Variants in TRPA1 observed in about 807,000 individuals in gnomAD.
The protein encoded by TRPA1 is transient receptor potential cation channel subfamily A member 1.
TRPA1 carries 129 observed loss-of-function variants against 131.3 expected under a neutral mutation model. That is an observed-to-expected ratio of 0.98 (90% CI 0.85 to 1.14). The LOEUF (loss-of-function observed/expected upper bound fraction) is 1.14. Among genes scored for constraint, TRPA1 ranks in the 50% most tolerant of loss-of-function variants. The pLI, the probability that TRPA1 is intolerant of heterozygous loss-of-function variation, is 0.00. For synonymous variants in TRPA1, 441 were observed against 451.7 expected (o/e 0.98, Z 0.30); for missense variants, 1,304 against 1,354.2 (o/e 0.96, Z 0.58).
At chr8:72,043,122 A>G (rs1394097018) in intron 17 of TRPA1, among the ~76,000 whole-genome samples, 1 of 151,842 alleles carries the variant, frequency 6.6e-6, no homozygotes, top group Non-Finnish European at 1.5e-5. Context: ...ATACTGGAAC[A>G]TCGGGATAAG....
Position 72,055,593 on chromosome 8 carries a change from G to T in TRPA1, c.1372C>A (p.Arg458Ser). ...SPLHFAASYGRINTCQRLLQD... is the reference protein window; with the variant it reads ...SPLHFAASYGSINTCQRLLQD... ...AGGAGCCTCTGACAGGTATTGATAC[G>T]CCCATAACTTGGAAAAAATTAGGTT... The change falls in exon 12 of 27, where the codon CGT becomes AGT. Residue 458 changes from arginine to serine, a missense_variant. Arg to Ser is a moderately radical substitution (Grantham distance 110). Transcript: ENST00000262209. 1 of 1,612,948 alleles carries T rather than the reference G, an allele frequency of 6.2e-7. No homozygotes were observed. The highest frequency in any genetic ancestry group is 1.7e-5 in the Admixed American group (1 of 59,904).
chr8:72,077,299 G>T (rs960363139), upstream of TRPA1, among the ~76,000 whole-genome samples: 1 of 145,444 alleles, frequency 6.9e-6, no homozygotes, highest in East Asian at 2.0e-4. Context: ...GTGGGGGGGG[G>T]GGCAGCGTGG....
intron 8 of TRPA1, 69 bp from the exon 9 acceptor site, chr8:72,057,885 A>G: frequency 3.5e-6 from 4 of 1,128,376 alleles, no homozygotes; most frequent in Non-Finnish European, 5.3e-6. Context: ...TGTAATCTCT[A>G]ACTAATGGTA....
In TRPA1 at chr8:72,075,573, G is replaced by A; in HGVS notation, c.-164C>T. 1 of 653,502 alleles carries A rather than the reference G, an allele frequency of 1.5e-6. No homozygotes were observed. The highest frequency in any genetic ancestry group is 2.7e-6 in the Non-Finnish European group (1 of 367,228). 40.5% of individuals were successfully genotyped at this position (653,502 alleles called of 1,614,324 possible). ...AAAAAGTCGCTCTGCGGAAGCCCTG[G>A]AGAACTTCTGGAAGGAGTTCTCAGG... On this transcript the variant is annotated 5_prime_UTR_variant, in exon 1 of 27. Transcript: ENST00000262209.
At chr8:72,026,727 T>C (rs1371924442) in intron 24 of TRPA1, among the ~76,000 whole-genome samples, 1 of 152,226 alleles carries the variant, frequency 6.6e-6, no homozygotes, top group African/African-American at 2.4e-5. Flanking sequence ...TTTTCATTTA[T>C]TTTTGCCAAA....
chr8:72,026,162 A>G lies in TRPA1; in HGVS notation c.2938-89T>C, dbSNP rs574579541. 311 of 1,002,126 alleles carry G rather than the reference A, an allele frequency of 3.1e-4. 2 individuals are homozygous for G. The African/African-American group carries it at 4.6e-3, about 15-fold the overall frequency. The allele number at this position is 1,002,126 out of a possible 1,614,324, so 62.1% of individuals were successfully genotyped here. On this transcript the variant is annotated intron_variant, in intron 24 of 26. Coordinates refer to ENST00000262209, the MANE Select transcript of TRPA1 (RefSeq NM_007332.3). ...CAGAGGCAATCATTAATACAGCAAA[A>G]TGAAAACTGATTTCTATGTCCTGAC...
chr8:72,045,952 G>A (rs1307672790), intron 17 of TRPA1, among the ~76,000 whole-genome samples: 2 of 152,028 alleles, frequency 1.3e-5, no homozygotes, highest in Non-Finnish European at 2.9e-5. Context: ...TCATTCATCT[G>A]GAATCTAAGA....
At chr8:72,065,583 C>A in intron 3 of TRPA1, 25 bp from the exon 4 acceptor site, 1 of 1,598,558 alleles carries the variant, frequency 6.3e-7, no homozygotes. Flanking sequence ...GAATAATTGT[C>A]AAAATTTTTG....
intron 22 of TRPA1, 60 bp from the exon 23 acceptor site, chr8:72,033,886 C>T (rs950499612): frequency 6.7e-7 from 1 of 1,500,994 alleles, no homozygotes; most frequent in South Asian, 1.1e-5. Context: ...AAAAGTGTTT[C>T]CTGGAGGTAG....
intron 19 of TRPA1, among the ~76,000 whole-genome samples, chr8:72,038,477 C>G (rs565345498): frequency 5.9e-5 from 9 of 152,160 alleles, no homozygotes; most frequent in African/African-American, 1.9e-4. Flanking sequence ...TCACCGTTAT[C>G]TAGTTCCATA....
chr8:72,046,668 A>G lies in TRPA1; in HGVS notation c.1966-60T>C, dbSNP rs2289734. ...CAGTTAGTCAAGTATAGAATCCCCA[A>G]AGTAATTCTTGAAAAAATCAAATAC... On this transcript the variant is annotated intron_variant, in intron 16 of 26. Coordinates refer to ENST00000262209, the MANE Select transcript of TRPA1 (RefSeq NM_007332.3). 761 of 864,476 alleles carry G rather than the reference A, an allele frequency of 8.8e-4. 9 individuals are homozygous for G. In the East Asian group the frequency reaches 0.019, roughly 21 times the overall value. The allele number at this position is 864,476 out of a possible 1,614,324, so 53.6% of individuals were successfully genotyped here.
chr8:72,036,750 A>ACC (rs1341295323), intron 20 of TRPA1, among the ~76,000 whole-genome samples: 2 of 152,174 alleles, frequency 1.3e-5, no homozygotes, highest in African/African-American at 4.8e-5. Flanking sequence ...CATCTTAAGA[A>ACC]AACTTCTTGG....
intron 15 of TRPA1, among the ~76,000 whole-genome samples, chr8:72,049,768 C>T (rs1190702765): frequency 6.6e-6 from 1 of 152,052 alleles, no homozygotes; most frequent in African/African-American, 2.4e-5. Context: ...TTCCATTGTT[C>T]TTGAGATGTT....
the TRPA1 span, among the ~76,000 whole-genome samples, chr8:72,083,286 T>C: frequency 2.0e-5 from 3 of 152,226 alleles, no homozygotes; most frequent in Non-Finnish European, 2.9e-5. Context: ...CTAACATCTA[T>C]ACTCAAATAG....
Position 72,055,667 on chromosome 8 carries a change from T to A in TRPA1, c.1364+19A>T, listed in dbSNP as rs2258600. 6 of 1,613,670 alleles carry A rather than the reference T, an allele frequency of 3.7e-6. No homozygotes were observed. Among genetic ancestry groups the A allele is most frequent in the Middle Eastern group, 1.7e-4 (1 of 6,054 alleles). ...AACAGAAAGAAGACATGTTCATACA[T>A]TGCTAGACTGACCCTTACCTGGCTG... is the stretch of plus-strand genomic sequence containing the variant. On this transcript the variant is annotated intron_variant, in intron 11 of 26. Transcript: ENST00000262209.
chr8:72,023,506 C>T (rs931199142), intron 26 of TRPA1: 1 of 413,176 alleles, frequency 2.4e-6, no homozygotes. Context: ...TCTTCAGAAG[C>T]TTTCAGAGCT....
At chr8:72,077,721 G>A (rs974274263), upstream of TRPA1, among the ~76,000 whole-genome samples, 1 of 151,984 alleles carries the variant, frequency 6.6e-6, no homozygotes, top group African/African-American at 2.4e-5. Context: ...TCATAGGCAG[G>A]CAGGGCAACT....
chr8:72,031,303 G>A (rs545199994), intron 23 of TRPA1, among the ~76,000 whole-genome samples: 1 of 152,286 alleles, frequency 6.6e-6, no homozygotes, highest in South Asian at 2.1e-4. Flanking sequence ...TCTCTGCCAG[G>A]CGCAGCATTT....
chr8:72,071,947 C>A, intron 1 of TRPA1, 80 bp from the exon 2 acceptor site: 1 of 1,314,488 alleles, frequency 7.6e-7, no homozygotes, highest in East Asian at 2.3e-5. Context: ...CCTGAAAGAA[C>A]TTATTATTAT....
Sources: allele counts gnomAD v4.1 joint callset (sites outside exome capture counted in the v4.1 genomes callset), GRCh38; gene constraint gnomAD v4.1.1; transcripts MANE v1.5; gene names NCBI Gene and HGNC (gene_info 2026-07-23, HGNC 2026-07-21).